Variants in CAPN7 observed in about 807,000 individuals in gnomAD.
The protein encoded by CAPN7 is calpain-7.
CAPN7 carries 72 observed loss-of-function variants against 115.2 expected under a neutral mutation model. The ratio of observed to expected loss-of-function variants is 0.63; its 90% CI spans 0.52 to 0.76. The LOEUF is 0.76. Among genes scored for constraint, CAPN7 ranks in the 30% least tolerant of loss-of-function variants. The pLI is 0.00. For missense variants in CAPN7, 905 were observed against 971.5 expected (o/e 0.93, Z 0.91); for synonymous variants, 344 against 322.3 (o/e 1.07, Z -0.72).
rs777100407 is a variant in CAPN7 at position 15,247,469 on chromosome 3, G to A, written c.2204+12G>A. 13 of 1,574,372 alleles carry A rather than the reference G, an allele frequency of 8.3e-6. No individual in the cohort carries two copies. Among genetic ancestry groups the A allele is most frequent in the Non-Finnish European group, 1.1e-5 (13 of 1,165,722 alleles). On this transcript the variant is annotated intron_variant, in intron 19 of 20. Coordinates refer to ENST00000253693, the MANE Select transcript of CAPN7 (RefSeq NM_014296.3). Reference sequence around the variant, plus strand: ...CTACGAGGACCAAGGTTTGTGATGAGTAACTTTCTTAAATTAATGATGTTC... The same window carrying A: ...CTACGAGGACCAAGGTTTGTGATGAATAACTTTCTTAAATTAATGATGTTC...
At chr3:15,213,461 T>G (rs1324501153) in intron 2 of CAPN7, among the ~76,000 whole-genome samples, 1 of 152,210 alleles carries the variant, frequency 6.6e-6, no homozygotes, top group Non-Finnish European at 1.5e-5. Flanking sequence ...GAAACCCCTT[T>G]CTGAAGCATG....
At chr3:15,244,970 G>C (rs916069977) in intron 16 of CAPN7, among the ~76,000 whole-genome samples, 24 of 151,930 alleles carry the variant, frequency 1.6e-4, no homozygotes, top group Non-Finnish European at 1.9e-4. Flanking sequence ...ACCAGAAACA[G>C]TTATTTTTTT....
chr3:15,229,561 C>CTTTTTTTTTTTTTTTT (rs566957976), intron 8 of CAPN7, among the ~76,000 whole-genome samples: 4 of 87,836 alleles, frequency 4.6e-5, no homozygotes, highest in Admixed American at 1.4e-4. Flanking sequence ...TACTTTTTTT[C>CTTTTTTTTTTTTTTTT]TTTTTTTTTT....
chr3:15,229,680 A>T (rs1283220409), intron 8 of CAPN7, among the ~76,000 whole-genome samples: 3 of 144,340 alleles, frequency 2.1e-5, no homozygotes, highest in African/African-American at 7.8e-5. Context: ...GGTTCAAGCG[A>T]TTCTCCTGCC....
intron 17 of CAPN7, 37 bp from the exon 18 acceptor site, chr3:15,246,695 T>C: frequency 7.2e-7 from 1 of 1,380,760 alleles, no homozygotes; most frequent in Non-Finnish European, 1.0e-6. Flanking sequence ...TTCTTGTAAG[T>C]GTAAAATTTA....
At chr3:15,210,825 A>G in intron 1 of CAPN7, 2 of 1,289,628 alleles carry the variant, frequency 1.6e-6, no homozygotes, top group South Asian at 2.5e-5. Context: ...ACTCCTGCTC[A>G]AACAACTGGA....
At position 15,206,253 on chromosome 3, in the gene CAPN7, G is replaced by A. The variant is rs2044610624; in HGVS notation, c.-243G>A. ...GCGGCTGGTGGGCGGGGCGAGGGCC[G>A]CTGGGGCCGCGAAGTGGGGCGGCCG... On this transcript the variant is annotated 5_prime_UTR_variant, in exon 1 of 21. Coordinates refer to ENST00000253693, the MANE Select transcript of CAPN7 (RefSeq NM_014296.3). The A allele has an allele frequency of 1.0e-5, 4 of 382,714 alleles. No homozygotes were observed. Among genetic ancestry groups the A allele is most frequent in the Non-Finnish European group, 1.9e-5 (4 of 211,830 alleles). The allele number at this position is 382,714 out of a possible 1,614,324, so 23.7% of individuals were successfully genotyped here.
intron 2 of CAPN7, among the ~76,000 whole-genome samples, chr3:15,212,764 G>T (rs960294435): frequency 2.6e-5 from 4 of 152,084 alleles, no homozygotes; most frequent in Non-Finnish European, 5.9e-5. Context: ...TAGTCTTAAT[G>T]GTCACAGTTT....
At chr3:15,250,390 C>T (rs1259539545) in intron 19 of CAPN7, among the ~76,000 whole-genome samples, 5 of 151,812 alleles carry the variant, frequency 3.3e-5, no homozygotes, top group Admixed American at 6.6e-5. Context: ...AAAAAGAGGT[C>T]GGGCGCAGTG....
rs1047570207 is a variant in CAPN7, at chr3:15,228,100, A to G, written c.852+135A>G. 9.6e-6 allele frequency: 5 copies of G among 519,912 alleles called. No individual in the cohort carries two copies. The East Asian group carries it at 1.1e-4, about 12-fold the overall frequency. The allele number at this position is 519,912 out of a possible 1,614,324, so 32.2% of individuals were successfully genotyped here. A position where few individuals can be genotyped will look rare whatever the true frequency, so the allele number is the denominator to read the frequency against. Reference sequence around the variant, plus strand: ...TGTAATTGGAAAAATTGTTCATTCTACACATTTTGACTGAAACATACTGAG... The same window carrying G: ...TGTAATTGGAAAAATTGTTCATTCTGCACATTTTGACTGAAACATACTGAG... On this transcript the variant is annotated intron_variant, in intron 7 of 20. Coordinates refer to ENST00000253693, the MANE Select transcript of CAPN7 (RefSeq NM_014296.3).
intron 17 of CAPN7, chr3:15,245,922 G>T: frequency 3.0e-6 from 1 of 338,866 alleles, no homozygotes; most frequent in East Asian, 5.6e-5. Context: ...AATATAGTAT[G>T]TTGGACTAAT....
rs1695992663 is a variant in CAPN7, at chr3:15,251,271, T to C, written c.*11T>C. ...ACACAACTTCAGTGATGGAGAAATC[T>C]CAAGTTACTGGCTTTTATACTTACC... On this transcript the variant is annotated 3_prime_UTR_variant, in exon 21 of 21. Transcript: ENST00000253693. 6 of 1,575,034 alleles carry C rather than the reference T, an allele frequency of 3.8e-6. No homozygotes were observed. The highest frequency in any genetic ancestry group is 5.1e-6 in the Non-Finnish European group (6 of 1,166,640).
At chr3:15,249,818 T>C (rs1165139112) in intron 19 of CAPN7, among the ~76,000 whole-genome samples, 2 of 151,042 alleles carry the variant, frequency 1.3e-5, no homozygotes, top group East Asian at 4.0e-4. Context: ...CAGGCTGGAG[T>C]GCAGTGTGTG....
At chr3:15,241,712 C>A in intron 15 of CAPN7, 124 bp downstream of exon 15, 1 of 720,588 alleles carries the variant, frequency 1.4e-6, no homozygotes, top group South Asian at 2.7e-5. Flanking sequence ...ATAGTGTTTT[C>A]TCAGATAAAT....
At chr3:15,228,021 T>C in intron 7 of CAPN7, 56 bp downstream of exon 7, 3 of 1,297,810 alleles carry the variant, frequency 2.3e-6, no homozygotes, top group Non-Finnish European at 3.0e-6. Flanking sequence ...AAGTAATTTG[T>C]GTATAGATTT....
At chr3:15,214,885 GAGA>G (rs2045157203) in intron 2 of CAPN7, among the ~76,000 whole-genome samples, 1 of 152,202 alleles carries the variant, frequency 6.6e-6, no homozygotes, top group South Asian at 2.1e-4. Context: ...GCAATTTCTG[GAGA>G]AGTTTTTGGT....
intron 8 of CAPN7, 77 bp downstream of exon 8, chr3:15,229,136 T>C: frequency 9.8e-7 from 1 of 1,015,334 alleles, no homozygotes; most frequent in Non-Finnish European, 1.5e-6. Flanking sequence ...GCCTTATCTG[T>C]ATAGAAAGTG....
At chr3:15,208,258 T>G (rs369613117) in intron 1 of CAPN7, among the ~76,000 whole-genome samples, 7 of 151,546 alleles carry the variant, frequency 4.6e-5, no homozygotes, top group African/African-American at 1.5e-4. Flanking sequence ...TAGTAATAGC[T>G]GCACAGTAGT....
At chr3:15,221,324 T>G (rs893781819) in intron 5 of CAPN7, among the ~76,000 whole-genome samples, 2 of 149,550 alleles carry the variant, frequency 1.3e-5, no homozygotes, top group Admixed American at 1.3e-4. Flanking sequence ...GGACTACAGG[T>G]GTGTGCCACC....
Sources: allele counts gnomAD v4.1 joint callset (sites outside exome capture counted in the v4.1 genomes callset), GRCh38; gene constraint gnomAD v4.1.1; transcripts MANE v1.5; gene names NCBI Gene and HGNC (gene_info 2026-07-23, HGNC 2026-07-21).